The following NUDT9 variants were observed in gnomAD, a reference collection of about 807,000 sequenced individuals.
The protein encoded by NUDT9 is nudix hydrolase 9.
In NUDT9, 31 loss-of-function variants were observed where a neutral mutation model predicts 41.0. The observed-to-expected ratio is 0.76, with a 90% CI of 0.57 to 1.02. The LOEUF is 1.02. Among genes scored for constraint, NUDT9 ranks in the 50% least tolerant of loss-of-function variants. NUDT9 has a pLI of 0.00. For synonymous variants in NUDT9, 146 were observed against 147.6 expected (o/e 0.99, Z 0.08); for missense variants, 380 against 431.4 (o/e 0.88, Z 1.06).
intron 1 of NUDT9, among the ~76,000 whole-genome samples, chr4:87,426,698 T>C (rs1050562235): frequency 6.6e-6 from 1 of 151,548 alleles, no homozygotes; most frequent in African/African-American, 2.4e-5. Flanking sequence ...CGTGAGCCAC[T>C]GCGCCTGGCC....
Position 87,422,909 on chromosome 4 carries a change from G to A in NUDT9, c.4G>A (p.Ala2Thr), listed in dbSNP as rs371678781. The A allele has an allele frequency of 2.2e-5, 36 of 1,609,582 alleles. No homozygotes were observed. Among genetic ancestry groups the A allele is most frequent in the Non-Finnish European group, 2.8e-5 (33 of 1,179,500 alleles). The change falls in exon 1 of 8, where the codon GCG (alanine) becomes ACG (threonine). Residue 2 changes from alanine to threonine, a missense_variant. Ala to Thr is a moderately conservative substitution (Grantham distance 58). Coordinates refer to ENST00000302174, the MANE Select transcript of NUDT9 (RefSeq NM_024047.5). M[A>T]GRLLGKALAA... ...CAAAGCCGCCCTCGGGGCGCTCATGGCGGGACGCCTCCTGGGAAAGGCTTT... is the reference window on the plus strand; with the variant it reads ...CAAAGCCGCCCTCGGGGCGCTCATGACGGGACGCCTCCTGGGAAAGGCTTT...
chr4:87,424,850 C>A (rs1209513486), intron 1 of NUDT9, among the ~76,000 whole-genome samples: 1 of 152,124 alleles, frequency 6.6e-6, no homozygotes, highest in East Asian at 1.9e-4. Flanking sequence ...TTTTGTAACT[C>A]TGGGAACCCT....
At chr4:87,429,459 G>C (rs1432901366) in intron 1 of NUDT9, among the ~76,000 whole-genome samples, 1 of 151,952 alleles carries the variant, frequency 6.6e-6, no homozygotes, top group Non-Finnish European at 1.5e-5. Flanking sequence ...CCACTGAGAA[G>C]TTTCTTTTTA....
intron 1 of NUDT9, chr4:87,434,424 T>G (rs1287366940): frequency 1.3e-5 from 2 of 148,170 alleles, no homozygotes; most frequent in East Asian, 3.9e-4. Context: ...TTTGTGTCCT[T>G]TTTTTTTTTT....
At position 87,438,413 on chromosome 4, in the gene NUDT9, C is replaced by CA; in HGVS notation, c.443+46dup. 3 of 1,074,042 alleles carry CA rather than the reference C, an allele frequency of 2.8e-6. No homozygotes were observed. The East Asian group carries it at 7.2e-5, about 26-fold the overall frequency. The allele number at this position is 1,074,042 out of a possible 1,614,324, so 66.5% of individuals were successfully genotyped here. A position where few individuals can be genotyped will look rare whatever the true frequency, so the allele number is the denominator to read the frequency against. On this transcript the variant is annotated intron_variant, in intron 3 of 7. Transcript: ENST00000302174. ...AGAGCATCTTACAATAATGAGTCAC[C>CA]AAAAAGTAGAAAAGATAGTTCATAT... is the stretch of plus-strand genomic sequence containing the variant.
chr4:87,451,532 T>C, intron 5 of NUDT9, 57 bp from the exon 6 acceptor site: 1 of 1,399,746 alleles, frequency 7.1e-7, no homozygotes, highest in Non-Finnish European at 1.0e-6. Context: ...TCAATAAATA[T>C]TTGTTGAACA....
rs545949073 is a variant in NUDT9, at chr4:87,454,375, A to T, written c.794A>T (p.Tyr265Phe). ...KLFSQDHLVI[Y>F]KGYVDDPRNT... ...TTTGTCTTCTTTTGAAAATAGATAT[A>T]TAAGGGATATGTTGATGATCCTCGA... The change falls in exon 7 of 8, where the codon TAT becomes TTT. Residue 265 changes from tyrosine (Y) to phenylalanine (F), a missense_variant. By Grantham distance (22) the Tyr-to-Phe change is conservative. Coordinates refer to ENST00000302174, the MANE Select transcript of NUDT9 (RefSeq NM_024047.5). 360 of 1,601,474 alleles carry T rather than the reference A, an allele frequency of 2.2e-4. 4 individuals carry two copies. In the South Asian group the frequency reaches 3.8e-3, roughly 17 times the overall value.
intron 3 of NUDT9, among the ~76,000 whole-genome samples, chr4:87,439,715 A>T (rs1722115601): frequency 6.6e-6 from 1 of 152,170 alleles, no homozygotes; most frequent in Non-Finnish European, 1.5e-5. Context: ...CTATCATGAG[A>T]ACAGCATGGA....
chr4:87,447,319 T>C lies in NUDT9; in HGVS notation c.531-1823T>C, dbSNP rs562976527. On this transcript the variant is annotated intron_variant, in intron 4 of 7. Coordinates refer to ENST00000302174, the MANE Select transcript of NUDT9 (RefSeq NM_024047.5). ...TGCTAATTTAGAGCCACTGCTAGACTATGAGCTCTTTCATGGGAGGAACTA... is the reference window on the plus strand; with the variant it reads ...TGCTAATTTAGAGCCACTGCTAGACCATGAGCTCTTTCATGGGAGGAACTA... Among the ~76,000 whole-genome samples the C allele has an allele frequency of 3.0e-4, 46 of 152,318 alleles. 1 individual carries two copies. The South Asian group carries it at 9.1e-3, about 30-fold the overall frequency.
Position 87,458,065 on chromosome 4 carries a change from A to G in NUDT9, c.*44A>G. The G allele has an allele frequency of 6.9e-7, 1 of 1,453,780 alleles. No individual in the cohort carries two copies. Among genetic ancestry groups the G allele is most frequent in the African/African-American group, 1.5e-5 (1 of 67,814 alleles). The allele number at this position is 1,453,780 out of a possible 1,614,324, so 90.1% of individuals were successfully genotyped here. ...GCCAAAGGCCCACAGAGGAGCATAT[A>G]CTGAAAAGAAGGCAGTATCACAGAA... On this transcript the variant is annotated 3_prime_UTR_variant, in exon 8 of 8. Coordinates refer to ENST00000302174, the MANE Select transcript of NUDT9 (RefSeq NM_024047.5).
chr4:87,454,527 T>A, intron 7 of NUDT9, 72 bp downstream of exon 7: 3 of 986,174 alleles, frequency 3.0e-6, no homozygotes, highest in African/African-American at 1.6e-5. Context: ...AAGGCATGAT[T>A]AAATCTGGAC....
intron 4 of NUDT9, among the ~76,000 whole-genome samples, chr4:87,446,899 T>C (rs1313927996): frequency 2.0e-5 from 3 of 152,210 alleles, no homozygotes; most frequent in Admixed American, 6.5e-5. Flanking sequence ...ACCTGGATCA[T>C]AGTAGTAGCC....
chr4:87,426,038 A>G (rs937194220), intron 1 of NUDT9, among the ~76,000 whole-genome samples: 6 of 151,908 alleles, frequency 3.9e-5, no homozygotes, highest in Admixed American at 6.6e-5. Flanking sequence ...GTCTCAAACT[A>G]TTGGGCTCAA....
At chr4:87,435,474 A>C (rs1389969186) in intron 2 of NUDT9, among the ~76,000 whole-genome samples, 1 of 152,240 alleles carries the variant, frequency 6.6e-6, no homozygotes, top group Non-Finnish European at 1.5e-5. Flanking sequence ...AGCATCAGCT[A>C]TGTGTTATGA....
At chr4:87,443,857 A>G (rs1001563135) in intron 4 of NUDT9, among the ~76,000 whole-genome samples, 37 of 152,210 alleles carry the variant, frequency 2.4e-4, no homozygotes, top group African/African-American at 8.4e-4. Flanking sequence ...ATTGTGGAGA[A>G]TTTTAAATGC....
chr4:87,457,233 T>A (rs1010975794), intron 7 of NUDT9, among the ~76,000 whole-genome samples: 30 of 144,388 alleles, frequency 2.1e-4, no homozygotes, highest in Middle Eastern at 3.5e-3. Context: ...TTTGATAATT[T>A]AAATTTTTTT....
chr4:87,444,717 C>T (rs965168832), intron 4 of NUDT9, among the ~76,000 whole-genome samples: 15 of 151,888 alleles, frequency 9.9e-5, no homozygotes, highest in Admixed American at 3.3e-4. Context: ...TATGGTGGAC[C>T]CAATAGTGGC....
At chr4:87,424,090 A>G (rs542906713) in intron 1 of NUDT9, among the ~76,000 whole-genome samples, 15 of 152,276 alleles carry the variant, frequency 9.9e-5, no homozygotes, top group South Asian at 4.1e-4. Context: ...GGAGACAAAC[A>G]TAACTATTTT....
chr4:87,435,281 T>A (rs947691697), intron 2 of NUDT9, 61 bp downstream of exon 2: 1 of 1,519,010 alleles, frequency 6.6e-7, no homozygotes, highest in Non-Finnish European at 8.8e-7. Flanking sequence ...ATGGTTTTAT[T>A]TGTAAAGTAT....
Sources: allele counts gnomAD v4.1 joint callset (sites outside exome capture counted in the v4.1 genomes callset), GRCh38; gene constraint gnomAD v4.1.1; transcripts MANE v1.5; gene names NCBI Gene and HGNC (gene_info 2026-07-23, HGNC 2026-07-21).